The following ABCB1 variants were observed in gnomAD, a reference collection of about 807,000 sequenced individuals.
ABCB1 encodes ATP-dependent translocase ABCB1.
In ABCB1, 69 loss-of-function variants were observed where a neutral mutation model predicts 142.0. That is an observed-to-expected ratio of 0.49 (90% CI 0.40 to 0.59). The LOEUF (loss-of-function observed/expected upper bound fraction) is 0.59. ABCB1 is among the 20% of genes least tolerant of loss of function. The pLI, the probability that ABCB1 is intolerant of heterozygous loss-of-function variation, is 0.00. For missense variants in ABCB1, 1,326 were observed against 1,554.7 expected (o/e 0.85, Z 2.47); for synonymous variants, 532 against 539.2 (o/e 0.99, Z 0.18).
chr7:87,526,535 A>T (rs1459219477), intron 21 of ABCB1, among the ~76,000 whole-genome samples: 2 of 152,046 alleles, frequency 1.3e-5, no homozygotes, highest in Non-Finnish European at 2.9e-5. Flanking sequence ...TTATTAAAAA[A>T]AAAAAGATTC....
chr7:87,693,391 GC>G (rs1419839599), intron 1 of ABCB1, among the ~76,000 whole-genome samples: 10 of 152,200 alleles, frequency 6.6e-5, no homozygotes, highest in African/African-American at 2.4e-4. Flanking sequence ...AAAATGAATG[GC>G]TACATTTCAA....
intron 21 of ABCB1, among the ~76,000 whole-genome samples, chr7:87,525,784 G>A (rs187217741): frequency 7.1e-4 from 108 of 152,064 alleles, no homozygotes; most frequent in South Asian, 4.8e-3. Flanking sequence ...AAGGGGAGGC[G>A]GGAAAGGCAG....
Position 87,504,138 on chromosome 7 carries a change from A to G in ABCB1, c.*105T>C, listed in dbSNP as rs1814609959. 2.1e-6 allele frequency: 3 copies of G among 1,446,446 alleles called. No individual in the cohort carries two copies. Among genetic ancestry groups the G allele is most frequent in the African/African-American group, 1.4e-5 (1 of 70,854 alleles). The allele number at this position is 1,446,446 out of a possible 1,614,324, so 89.6% of individuals were successfully genotyped here. On this transcript the variant is annotated 3_prime_UTR_variant, in exon 28 of 28. Transcript: ENST00000622132. The stretch of plus-strand genomic sequence containing the variant: ...TCTGAACTTGACTGAGGAAATGTTA[A>G]ACAGATACCTCTTCATAATTCTGTA...
intron 17 of ABCB1, 148 bp downstream of exon 17, chr7:87,543,981 C>CT: frequency 1.1e-6 from 1 of 950,090 alleles, no homozygotes; most frequent in Non-Finnish European, 1.6e-6. Flanking sequence ...AACCAGACTG[C>CT]TATTCTTACA....
intron 19 of ABCB1, among the ~76,000 whole-genome samples, chr7:87,538,623 T>G (rs1423981111): frequency 6.6e-6 from 1 of 152,170 alleles, no homozygotes; most frequent in East Asian, 1.9e-4. Flanking sequence ...TTTTCATGAT[T>G]GTTAAAGGAA....
At chr7:87,519,566 C>A (rs1224743850) in intron 22 of ABCB1, 100 bp from the exon 23 acceptor site, 26 of 1,425,074 alleles carry the variant, frequency 1.8e-5, no homozygotes, top group Non-Finnish European at 2.4e-5. Flanking sequence ...GCATGACCAA[C>A]AAAAATGGGT....
chr7:87,515,377 T>G lies in ABCB1; in HGVS notation c.3136A>C (p.Thr1046Pro), dbSNP rs758803493. Residue 1046 changes from threonine (T) to proline (P), a missense_variant, in exon 25 of 28, where the codon ACC becomes CCC. Coordinates refer to ENST00000622132, the MANE Select transcript of ABCB1 (RefSeq NM_001348946.2). ...TGAAGCACTGGGATGTCCGGTCGGG[T>G]GGGATAGTTGAATACAACTTCACCA... is the stretch of plus-strand genomic sequence containing the variant. ...TFGEVVFNYP[T>P]RPDIPVLQGL... 7 of 1,614,108 alleles carry G rather than the reference T, an allele frequency of 4.3e-6. No homozygotes were observed. The highest frequency in any genetic ancestry group is 5.9e-6 in the Non-Finnish European group (7 of 1,180,004).
chr7:87,651,012 A>C, intron 1 of ABCB1: 1 of 838,496 alleles, frequency 1.2e-6, no homozygotes, highest in Non-Finnish European at 2.0e-6. Context: ...GAAATCATAC[A>C]GTCTGTGTGA....
chr7:87,577,521 T>C (rs910842808), intron 4 of ABCB1, among the ~76,000 whole-genome samples: 3 of 152,162 alleles, frequency 2.0e-5, no homozygotes, highest in African/African-American at 7.2e-5. Flanking sequence ...ATTTACATTC[T>C]CAAAAATGTA....
intron 1 of ABCB1, among the ~76,000 whole-genome samples, chr7:87,689,513 C>T (rs1367566646): frequency 2.6e-5 from 4 of 151,958 alleles, no homozygotes; most frequent in African/African-American, 4.8e-5. Context: ...CTTTATTGTG[C>T]TAATATTACT....
chr7:87,504,390 G>A lies in ABCB1; in HGVS notation c.3696C>T (p.His1232=). ...REGRTCIVIA[H]RLSTIQNADL... The stretch of plus-strand genomic sequence containing the variant: ...CTGCATTCTGGATGGTGGACAGGCG[G>A]TGAGCAATCACAATGCAGGTGCGGC... Residue 1232 remains histidine (H), a synonymous_variant, in exon 28 of 28, where the codon CAC becomes CAT. Coordinates refer to ENST00000622132, the MANE Select transcript of ABCB1 (RefSeq NM_001348946.2). 1.2e-6 allele frequency: 2 copies of A among 1,614,124 alleles called. No homozygotes were observed. Among genetic ancestry groups the A allele is most frequent in the African/African-American group, 1.3e-5 (1 of 75,054 alleles).
chr7:87,572,459 T>C lies in ABCB1; in HGVS notation c.287-2236A>G, dbSNP rs970294977. On this transcript the variant is annotated intron_variant, in intron 4 of 27. Coordinates refer to ENST00000622132, the MANE Select transcript of ABCB1 (RefSeq NM_001348946.2). ...TGTATGTCCAATTACACCATACCTA[T>C]AGCTTCAGCCATCAAAATACATAGA... Among the ~76,000 whole-genome samples the C allele has an allele frequency of 3.9e-5, 6 of 152,358 alleles. No individual in the cohort carries two copies. In the East Asian group the frequency reaches 9.6e-4, roughly 24 times the overall value.
At chr7:87,541,512 C>A in intron 17 of ABCB1, 48 bp from the exon 18 acceptor site, 2 of 1,267,856 alleles carry the variant, frequency 1.6e-6, no homozygotes, top group African/African-American at 1.5e-5. Context: ...GTGAAGAACC[C>A]ATCCTGGACC....
chr7:87,570,284 A>C, intron 4 of ABCB1, 61 bp from the exon 5 acceptor site: 2 of 1,448,320 alleles, frequency 1.4e-6, no homozygotes, highest in Non-Finnish European at 9.7e-7. Flanking sequence ...AAAAATAAAC[A>C]TGTAAAAATG....
intron 1 of ABCB1, among the ~76,000 whole-genome samples, chr7:87,708,930 T>C (rs1829836598): frequency 6.6e-6 from 1 of 152,316 alleles, no homozygotes; most frequent in South Asian, 2.1e-4. Flanking sequence ...CTTTTACTTA[T>C]TTTTTCATAA....
intron 1 of ABCB1, among the ~76,000 whole-genome samples, chr7:87,683,291 T>C (rs1005081163): frequency 2.0e-5 from 3 of 152,216 alleles, no homozygotes; most frequent in Non-Finnish European, 4.4e-5. Context: ...TTTCACTTCC[T>C]TCATGTGTTC....
Position 87,566,040 on chromosome 7 carries a change from T to A in ABCB1, c.702+30A>T, listed in dbSNP as rs199939852. ...AGAGCAGGAAGGGAGAAGGTGCAGT[T>A]CAAAATCTGGATTCACAGGCTTCAC... On this transcript the variant is annotated intron_variant, in intron 7 of 27. Transcript: ENST00000622132. 6.2e-7 allele frequency: 1 copy of A among 1,613,882 alleles called. No individual in the cohort carries two copies. The highest frequency in any genetic ancestry group is 8.5e-7 in the Non-Finnish European group (1 of 1,179,822).
intron 20 of ABCB1, among the ~76,000 whole-genome samples, chr7:87,532,202 A>C (rs1026716690): frequency 6.6e-6 from 1 of 152,168 alleles, no homozygotes; most frequent in Non-Finnish European, 1.5e-5. Context: ...TCTATAATTT[A>C]GTCCAGCACA....
chr7:87,517,077 T>C (rs1563030340), intron 23 of ABCB1, among the ~76,000 whole-genome samples: 1 of 152,178 alleles, frequency 6.6e-6, no homozygotes, highest in African/African-American at 2.4e-5. Context: ...TTGCCTCTAA[T>C]AGTTATAAAA....
Sources: gnomAD v4.1 joint callset for allele counts (sites outside exome capture counted in the v4.1 genomes callset) on GRCh38, gnomAD v4.1.1 for gene constraint, MANE v1.5 for transcripts, NCBI Gene and HGNC (gene_info 2026-07-23, HGNC 2026-07-21) for gene names.